The following PCM1 variants were observed in gnomAD, a reference collection of about 807,000 sequenced individuals.
The protein encoded by PCM1 is pericentriolar material 1 protein.
Under a neutral mutation model 241.9 loss-of-function variants are expected in PCM1, and 157 were observed. The ratio of observed to expected loss-of-function variants is 0.65; its 90% CI spans 0.57 to 0.74. The LOEUF is 0.74. Ranked by LOEUF, PCM1 falls within the 30% of genes least tolerant of loss-of-function variation. The pLI is 0.00. For missense variants in PCM1, 3,478 were observed against 2,360.1 expected (o/e 1.47, Z -9.81); for synonymous variants, 1,085 against 784.9 (o/e 1.38, Z -6.39).
rs1325469449 is a variant in PCM1 at position 17,946,536 on chromosome 8, A to T, written c.784-650A>T. Reference sequence around the variant, plus strand: ...CTTTGAGACGGGGTCTCGCTCTGTCACCCAGGCTGGAGTGCAATGGTGCAG... The same window carrying T: ...CTTTGAGACGGGGTCTCGCTCTGTCTCCCAGGCTGGAGTGCAATGGTGCAG... On this transcript the variant is annotated intron_variant, in intron 6 of 38. Transcript: ENST00000325083. Among the ~76,000 whole-genome samples, 5 of 150,020 alleles carry T rather than the reference A, an allele frequency of 3.3e-5. No homozygotes were observed. In the Admixed American group the frequency reaches 3.3e-4, roughly 10 times the overall value.
At chr8:17,946,318 T>C (rs1010958773) in intron 6 of PCM1, among the ~76,000 whole-genome samples, 3 of 152,140 alleles carry the variant, frequency 2.0e-5, no homozygotes, top group African/African-American at 7.2e-5. Context: ...GAATATAAAA[T>C]TCGTTATTTT....
chr8:17,935,786 A>G (rs553431139), intron 3 of PCM1, 80 bp downstream of exon 3: 13 of 720,856 alleles, frequency 1.8e-5, no homozygotes, highest in South Asian at 9.3e-5. Flanking sequence ...AATTTAACTC[A>G]CTGATGCTCT....
intron 2 of PCM1, among the ~76,000 whole-genome samples, chr8:17,932,833 T>G (rs1445849157): frequency 6.6e-6 from 1 of 152,216 alleles, no homozygotes; most frequent in Non-Finnish European, 1.5e-5. Context: ...CTTTGACTAT[T>G]TTGATAGTAT....
rs2077236195 is a variant in PCM1, at chr8:17,972,698, A to C, written c.3943+11A>C. The C allele has an allele frequency of 4.8e-6, 7 of 1,459,996 alleles. No individual in the cohort carries two copies. Among genetic ancestry groups the C allele is most frequent in the Non-Finnish European group, 6.4e-6 (7 of 1,092,866 alleles). 90.4% of individuals were successfully genotyped at this position (1,459,996 alleles called of 1,614,324 possible). A position where few individuals can be genotyped will look rare whatever the true frequency, so the allele number is the denominator to read the frequency against. On this transcript the variant is annotated intron_variant, in intron 23 of 38. Coordinates refer to ENST00000325083, the MANE Select transcript of PCM1 (RefSeq NM_006197.4). ...GAGTTAAAAACATCAGTAAGTGTTG[A>C]AATTTGTTGAATGTTGATCAGTGTA... is the stretch of plus-strand genomic sequence containing the variant.
Position 17,961,946 on chromosome 8 carries a change from C to G in PCM1, c.2323-88C>G. 3.6e-6 allele frequency: 4 copies of G among 1,100,844 alleles called. 1 individual carries two copies. Among genetic ancestry groups the G allele is most frequent in the South Asian group, 2.9e-5 (2 of 67,974 alleles). 68.2% of individuals were successfully genotyped at this position (1,100,844 alleles called of 1,614,324 possible). Reference sequence around the variant, plus strand: ...AGCAGATTAAATATGGCACTAGAGCCTTAGTGCCATATTTAAAGTAACTGC... The same window carrying G: ...AGCAGATTAAATATGGCACTAGAGCGTTAGTGCCATATTTAAAGTAACTGC... On this transcript the variant is annotated intron_variant, in intron 15 of 38. Transcript: ENST00000325083.
intron 24 of PCM1, among the ~76,000 whole-genome samples, chr8:17,984,684 G>A (rs909711123): frequency 2.0e-5 from 3 of 151,838 alleles, no homozygotes; most frequent in Non-Finnish European, 4.4e-5. Context: ...CTTTGAAAGC[G>A]CAATGTATTA....
In PCM1 at chr8:17,964,776, T is replaced by C. The variant is rs2074141973; in HGVS notation, c.2855+8T>C. 6.2e-7 allele frequency: 1 copy of C among 1,604,056 alleles called. No individual in the cohort carries two copies. The highest frequency in any genetic ancestry group is 2.2e-5 in the East Asian group (1 of 44,828). ...AAAGGAAACTAAAAATAGGTTAGTT[T>C]CAGTATTTTAATTTTGTGCTTAATT... On this transcript the variant is annotated splice_region_variant and intron_variant, in intron 18 of 38. Transcript: ENST00000325083.
At chr8:18,004,930 T>A (rs2090815464) in intron 29 of PCM1, among the ~76,000 whole-genome samples, 1 of 152,204 alleles carries the variant, frequency 6.6e-6, no homozygotes, top group African/African-American at 2.4e-5. Context: ...GGATCTGGTG[T>A]GCTTTCCCCC....
intron 2 of PCM1, among the ~76,000 whole-genome samples, chr8:17,932,539 T>G (rs940923708): frequency 6.6e-6 from 1 of 152,072 alleles, no homozygotes; most frequent in African/African-American, 2.4e-5. Flanking sequence ...TGCAAACTAC[T>G]TGTTTTGCTT....
At chr8:17,939,950 G>GT in intron 6 of PCM1, 89 bp downstream of exon 6, 2 of 1,125,408 alleles carry the variant, frequency 1.8e-6, no homozygotes, top group Non-Finnish European at 2.6e-6. Flanking sequence ...CCCCAGAGGA[G>GT]TTAACATATT....
At chr8:17,934,660 G>A (rs2059946225) in intron 2 of PCM1, 2 of 152,074 alleles carry the variant, frequency 1.3e-5, no homozygotes, top group East Asian at 3.9e-4. Flanking sequence ...GACTTTTCAT[G>A]TCCCTTGAAT....
intron 13 of PCM1, among the ~76,000 whole-genome samples, chr8:17,958,305 A>G (rs1047922959): frequency 8.5e-5 from 13 of 152,286 alleles, no homozygotes; most frequent in Admixed American, 2.0e-4. Flanking sequence ...CCTACTGTAT[A>G]TAAAAGAAAA....
chr8:17,986,624 A>T (rs2082693623), intron 26 of PCM1, among the ~76,000 whole-genome samples: 1 of 151,768 alleles, frequency 6.6e-6, no homozygotes, highest in African/African-American at 2.4e-5. Context: ...TAAATTCAGT[A>T]AGCTGTGTCC....
At chr8:17,989,837 T>C in intron 26 of PCM1, 22 bp from the exon 27 acceptor site, 3 of 1,472,526 alleles carry the variant, frequency 2.0e-6, no homozygotes, top group Non-Finnish European at 2.8e-6. Flanking sequence ...TAGTGATTTT[T>C]GTTTGTTTTA....
Position 17,938,988 on chromosome 8 carries a change from A to G in PCM1, c.591A>G (p.Glu197=). 6.2e-7 allele frequency: 1 copy of G among 1,613,680 alleles called. No individual in the cohort carries two copies. The highest frequency in any genetic ancestry group is 1.3e-5 in the African/African-American group (1 of 75,040). Residue 197 remains glutamate, a synonymous_variant, in exon 5 of 39, where the codon GAA becomes GAG. Coordinates refer to ENST00000325083, the MANE Select transcript of PCM1 (RefSeq NM_006197.4). ...CQVSEEDGRG[E]PAMESSQIVS... is the part of the protein sequence containing the mutation. Reference sequence around the variant, plus strand: ...TGTCTGAAGAAGATGGGAGGGGAGAACCTGCAATGGAGAGCAGCCAGGTGA... The same window carrying G: ...TGTCTGAAGAAGATGGGAGGGGAGAGCCTGCAATGGAGAGCAGCCAGGTGA...
chr8:18,015,342 A>G (rs906178408), intron 36 of PCM1, among the ~76,000 whole-genome samples: 35 of 152,158 alleles, frequency 2.3e-4, no homozygotes, highest in Non-Finnish European at 5.9e-5. Context: ...ATACTTGAGC[A>G]GAGGAAAGCA....
At chr8:17,925,061 A>C (rs965304207) in intron 2 of PCM1, 4 of 152,146 alleles carry the variant, frequency 2.6e-5, no homozygotes, top group African/African-American at 7.2e-5. Context: ...AATTTTTTCA[A>C]CCTGTTTGAA....
chr8:18,011,217 T>C lies in PCM1; in HGVS notation c.5221-20T>C, dbSNP rs755104917. 3 of 1,568,368 alleles carry C rather than the reference T, an allele frequency of 1.9e-6. No homozygotes were observed. The highest frequency in any genetic ancestry group is 1.2e-5 in the South Asian group (1 of 83,992). ...ACATGTACTTTAAGGAATTAATTACTCAAATATTTTTGTGTCTAGGACAAG... is the reference window on the plus strand; with the variant it reads ...ACATGTACTTTAAGGAATTAATTACCCAAATATTTTTGTGTCTAGGACAAG... On this transcript the variant is annotated intron_variant, in intron 32 of 38. Coordinates refer to ENST00000325083, the MANE Select transcript of PCM1 (RefSeq NM_006197.4).
At chr8:17,937,983 G>A (rs992457203) in intron 4 of PCM1, among the ~76,000 whole-genome samples, 4 of 152,070 alleles carry the variant, frequency 2.6e-5, no homozygotes, top group African/African-American at 4.8e-5. Context: ...ACACTTAACT[G>A]TATATCAGGC....
Sources: gnomAD v4.1 joint callset for allele counts (sites outside exome capture counted in the v4.1 genomes callset) on GRCh38, gnomAD v4.1.1 for gene constraint, MANE v1.5 for transcripts, NCBI Gene and HGNC (gene_info 2026-07-23, HGNC 2026-07-21) for gene names.